Variants in NLGN4X observed in about 807,000 individuals in gnomAD.
NLGN4X encodes the protein neuroligin 4 X-linked.
In NLGN4X, 3 loss-of-function variants were observed where a neutral mutation model predicts 40.3. The ratio of observed to expected loss-of-function variants is 0.07; its 90% confidence interval spans 0.03 to 0.19. The LOEUF is 0.19. Ranked by LOEUF, NLGN4X falls within the 10% of genes least tolerant of loss-of-function variation. NLGN4X has a pLI of 1.00. For missense variants in NLGN4X, 382 were observed against 708.3 expected (o/e 0.54, Z 5.23); for synonymous variants, 270 against 306.8 (o/e 0.88, Z 1.25).
chrX:6,213,687 G>C (rs184021746), intron 1 of NLGN4X, among the ~76,000 whole-genome samples: 1 of 112,420 alleles, frequency 8.9e-6, no homozygotes, highest in East Asian at 2.8e-4. Context: ...AAACAGGTTT[G>C]TATTTTGTAA....
intron 3 of NLGN4X, among the ~76,000 whole-genome samples, chrX:5,940,257 G>A (rs924763413): frequency 5.4e-5 from 6 of 110,597 alleles, no homozygotes; most frequent in African/African-American, 2.0e-4. Context: ...TATTTTAAAT[G>A]TATACTATCC....
At chrX:6,116,258 A>G (rs1395665800) in intron 2 of NLGN4X, among the ~76,000 whole-genome samples, 1 of 70,082 alleles carries the variant, frequency 1.4e-5, no homozygotes, top group African/African-American at 5.8e-5. Context: ...GTGCCACTGC[A>G]CTCCAGCCTG....
chrX:5,992,473 C>T (rs1273194148), intron 3 of NLGN4X, among the ~76,000 whole-genome samples: 1 of 110,935 alleles, frequency 9.0e-6, no homozygotes, highest in Non-Finnish European at 1.9e-5. Context: ...TGGAGGCATG[C>T]ACCTGTAGTC....
chrX:6,176,926 T>C (rs187141779), intron 1 of NLGN4X, among the ~76,000 whole-genome samples: 1 of 111,697 alleles, frequency 9.0e-6, no homozygotes, highest in African/African-American at 3.3e-5. Flanking sequence ...AATGAGTTAA[T>C]ATAAAAAGCA....
chrX:6,041,671 G>C (rs1319440126), intron 2 of NLGN4X, among the ~76,000 whole-genome samples: 3 of 112,602 alleles, frequency 2.7e-5, no homozygotes, highest in Non-Finnish European at 3.7e-5. Context: ...AGGTCTCCCT[G>C]TTAGATTGTT....
intron 3 of NLGN4X, among the ~76,000 whole-genome samples, chrX:5,994,794 A>G (rs1338486353): frequency 8.9e-6 from 1 of 112,045 alleles, no homozygotes; most frequent in Non-Finnish European, 1.9e-5. Context: ...GCAGAAGGAT[A>G]TTCAATATGG....
intron 2 of NLGN4X, among the ~76,000 whole-genome samples, chrX:6,046,599 ATATT>A (rs1400855541): frequency 9.0e-6 from 1 of 111,473 alleles, no homozygotes; most frequent in East Asian, 2.8e-4. Context: ...GAACCAATGT[ATATT>A]TATTAATAAA....
intron 1 of NLGN4X, among the ~76,000 whole-genome samples, chrX:6,209,864 T>A (rs762456901): frequency 7.2e-5 from 8 of 111,877 alleles, no homozygotes; most frequent in Non-Finnish European, 1.3e-4. Flanking sequence ...ATTTTTCCTG[T>A]TTTTTAGAGA....
chrX:6,055,300 T>C (rs1182972187), intron 2 of NLGN4X, among the ~76,000 whole-genome samples: 2 of 111,805 alleles, frequency 1.8e-5, no homozygotes, highest in Admixed American at 1.9e-4. Context: ...TGGATGATCA[T>C]CCTAGTCAAC....
chrX:6,017,321 A>G (rs1457310480), intron 3 of NLGN4X, among the ~76,000 whole-genome samples: 2 of 111,979 alleles, frequency 1.8e-5, no homozygotes, highest in East Asian at 5.6e-4. Flanking sequence ...GAAGAAAGCT[A>G]CTCATTTCTT....
chrX:6,107,651 A>G (rs943782421), intron 2 of NLGN4X, among the ~76,000 whole-genome samples: 3 of 111,691 alleles, frequency 2.7e-5, no homozygotes, highest in African/African-American at 9.8e-5. Context: ...CCAATCACAC[A>G]AAGAGTGAAC....
chrX:6,131,016 T>C (rs1043626686), intron 2 of NLGN4X, among the ~76,000 whole-genome samples: 5 of 111,787 alleles, frequency 4.5e-5, no homozygotes, highest in African/African-American at 6.5e-5. Context: ...TTCCAAGCAA[T>C]AGTAAATACA....
At chrX:6,141,796 G>GT (rs1342853993) in intron 2 of NLGN4X, among the ~76,000 whole-genome samples, 11 of 110,927 alleles carry the variant, frequency 9.9e-5, no homozygotes, top group Non-Finnish European at 2.1e-4. Flanking sequence ...TCCAGCCTGG[G>GT]TGACAGAGCA....
intron 2 of NLGN4X, among the ~76,000 whole-genome samples, chrX:6,102,239 A>G (rs778310568): frequency 2.7e-4 from 30 of 112,076 alleles, no homozygotes; most frequent in Admixed American, 2.3e-3. Context: ...CTACACCAAA[A>G]TATCTCATGT....
chrX:5,895,418 GA>G (rs1296307538), intron 5 of NLGN4X, among the ~76,000 whole-genome samples: 1 of 111,398 alleles, frequency 9.0e-6, no homozygotes, highest in African/African-American at 3.3e-5. Flanking sequence ...TATTGCAAGG[GA>G]GGGAGAAGTA....
At chrX:6,142,602 A>G (rs1293378571) in intron 2 of NLGN4X, among the ~76,000 whole-genome samples, 1 of 112,438 alleles carries the variant, frequency 8.9e-6, no homozygotes, top group Non-Finnish European at 1.9e-5. Context: ...GTGTTAACAC[A>G]GTTTTCGTTT....
intron 2 of NLGN4X, among the ~76,000 whole-genome samples, chrX:6,040,948 A>T (rs192055702): frequency 2.8e-3 from 318 of 111,813 alleles, no homozygotes; most frequent in African/African-American, 9.9e-3. Flanking sequence ...CCCCAAAAAA[A>T]TATGGTACCA....
intron 3 of NLGN4X, among the ~76,000 whole-genome samples, chrX:5,938,510 A>T (rs966592533): frequency 9.0e-6 from 1 of 111,067 alleles, no homozygotes; most frequent in Non-Finnish European, 1.9e-5. Context: ...TTGAGTTTAG[A>T]ATTGAGTTCT....
At chrX:6,176,412 C>T (rs1292381633) in intron 1 of NLGN4X, among the ~76,000 whole-genome samples, 2 of 112,034 alleles carry the variant, frequency 1.8e-5, no homozygotes, top group East Asian at 5.6e-4. Flanking sequence ...ACGGACCCCC[C>T]GGGATGACCA....
Sources: allele counts gnomAD v4.1 joint callset (sites outside exome capture counted in the v4.1 genomes callset), GRCh38; gene constraint gnomAD v4.1.1; transcripts MANE v1.5; gene names NCBI Gene and HGNC (gene_info 2026-07-23, HGNC 2026-07-21).